Variants in NBAS observed in about 807,000 individuals in gnomAD.
The protein encoded by NBAS is NBAS subunit of NRZ tethering complex.
In NBAS, 219 loss-of-function variants were observed where a neutral mutation model predicts 302.5. The ratio of observed to expected loss-of-function variants is 0.72; its 90% CI spans 0.65 to 0.81. The LOEUF (loss-of-function observed/expected upper bound fraction) is 0.81. NBAS is among the 30% of genes least tolerant of loss of function. The pLI, the probability that NBAS is intolerant of heterozygous loss-of-function variation, is 0.00. For synonymous variants in NBAS, 1,118 were observed against 1,021.6 expected (o/e 1.09, Z -1.80); for missense variants, 2,932 against 2,841.6 (o/e 1.03, Z -0.72).
chr2:15,164,075 G>A (rs1029728631), downstream of NBAS, among the ~76,000 whole-genome samples: 1 of 152,222 alleles, frequency 6.6e-6, no homozygotes, highest in African/African-American at 2.4e-5. Flanking sequence ...GGGATTACAG[G>A]TGTGAGCCTC....
chr2:14,816,118 A>G, the NBAS span, among the ~76,000 whole-genome samples: 6,418 of 152,240 alleles, frequency 0.042, 165 homozygotes, highest in Middle Eastern at 0.058. Flanking sequence ...AAAATTTTCA[A>G]TGGCTCTCTA....
chr2:15,128,434 T>G, the NBAS span, among the ~76,000 whole-genome samples: 1 of 152,218 alleles, frequency 6.6e-6, no homozygotes, highest in African/African-American at 2.4e-5. Context: ...GGCCTCTTTC[T>G]TAAACACAGC....
intron 51 of NBAS, among the ~76,000 whole-genome samples, chr2:15,168,261 G>A (rs368907634): frequency 2.4e-4 from 37 of 152,230 alleles, no homozygotes; most frequent in African/African-American, 8.2e-4. Context: ...ATTAACTAAC[G>A]TTTAGACCAA....
the NBAS span, among the ~76,000 whole-genome samples, chr2:14,892,758 T>G: frequency 6.6e-6 from 1 of 152,196 alleles, no homozygotes; most frequent in Non-Finnish European, 1.5e-5. Flanking sequence ...CGTCTTTGTA[T>G]TTCTGGGATA....
intron 27 of NBAS, among the ~76,000 whole-genome samples, chr2:15,396,027 A>G (rs1183093688): frequency 1.3e-5 from 2 of 152,164 alleles, no homozygotes; most frequent in Non-Finnish European, 2.9e-5. Context: ...GTCTGCTGAT[A>G]AAGATGCAAT....
the NBAS span, among the ~76,000 whole-genome samples, chr2:15,141,928 AAAT>A: frequency 6.6e-6 from 1 of 152,208 alleles, no homozygotes; most frequent in African/African-American, 2.4e-5. Flanking sequence ...CTGGAAAGAG[AAAT>A]AATGAGCTCT....
At chr2:15,307,071 G>C (rs1353982792) in intron 40 of NBAS, among the ~76,000 whole-genome samples, 1 of 152,188 alleles carries the variant, frequency 6.6e-6, no homozygotes. Context: ...GTGATGACAG[G>C]ACCCCGAAGC....
intron 48 of NBAS, among the ~76,000 whole-genome samples, chr2:15,216,331 T>C (rs938976637): frequency 2.6e-5 from 4 of 152,136 alleles, no homozygotes; most frequent in African/African-American, 7.2e-5. Flanking sequence ...GGATATGAGA[T>C]GACTTGTATT....
intron 9 of NBAS, among the ~76,000 whole-genome samples, chr2:15,527,324 T>C (rs1012840866): frequency 3.9e-5 from 6 of 152,194 alleles, no homozygotes; most frequent in Admixed American, 3.9e-4. Flanking sequence ...GATAGTCTAA[T>C]TGGAGATATG....
intron 11 of NBAS, among the ~76,000 whole-genome samples, chr2:15,500,541 A>ACAC (rs1558392987): frequency 1.0e-4 from 13 of 126,002 alleles, no homozygotes; most frequent in South Asian, 7.6e-4. Context: ...CACACACACA[A>ACAC]AATTAGAAAT....
At position 15,548,512 on chromosome 2, in the gene NBAS, C is replaced by T. The variant is rs1270573598; in HGVS notation, c.379+2981G>A. Among the ~76,000 whole-genome samples, 4 of 151,934 alleles carry T rather than the reference C, an allele frequency of 2.6e-5. No homozygotes were observed. The East Asian group carries it at 5.8e-4, about 22-fold the overall frequency. On this transcript the variant is annotated intron_variant, in intron 6 of 51. Coordinates refer to ENST00000281513, the MANE Select transcript of NBAS (RefSeq NM_015909.4). ...CAAAAAAATGCCGGGTGTGATGGCACGCACCTGTAATCCCAGCTACTTCAG... is the reference window on the plus strand; with the variant it reads ...CAAAAAAATGCCGGGTGTGATGGCATGCACCTGTAATCCCAGCTACTTCAG...
At chr2:14,966,476 C>G in the NBAS span, among the ~76,000 whole-genome samples, 1 of 152,176 alleles carries the variant, frequency 6.6e-6, no homozygotes, top group Non-Finnish European at 1.5e-5. Context: ...CGTCAGTCCC[C>G]CAGTACAGCT....
chr2:15,453,504 C>T (rs1679113731), intron 21 of NBAS, among the ~76,000 whole-genome samples: 1 of 152,210 alleles, frequency 6.6e-6, no homozygotes, highest in Admixed American at 6.5e-5. Context: ...AAATTGTTCA[C>T]TCAGTCACTT....
At chr2:15,421,679 C>A (rs1162130681) in intron 23 of NBAS, among the ~76,000 whole-genome samples, 1 of 151,450 alleles carries the variant, frequency 6.6e-6, no homozygotes, top group Non-Finnish European at 1.5e-5. Flanking sequence ...AGAATACAAG[C>A]CAACTGAAGT....
chr2:15,427,896 T>G, intron 21 of NBAS, 102 bp from the exon 22 acceptor site: 1 of 842,080 alleles, frequency 1.2e-6, no homozygotes, highest in Non-Finnish European at 2.0e-6. Flanking sequence ...CATTAATATC[T>G]AAGATTCATG....
chr2:14,980,513 T>C, the NBAS span, among the ~76,000 whole-genome samples: 2 of 152,216 alleles, frequency 1.3e-5, no homozygotes, highest in African/African-American at 4.8e-5. Context: ...AGACTTCTAA[T>C]TTCTGCTGTG....
the NBAS span, among the ~76,000 whole-genome samples, chr2:15,131,765 T>C: frequency 6.6e-6 from 1 of 152,284 alleles, no homozygotes; most frequent in East Asian, 1.9e-4. Context: ...TTCTGCAGGA[T>C]GTACAAGCAT....
chr2:15,456,183 T>C (rs572185668), intron 21 of NBAS, among the ~76,000 whole-genome samples: 2 of 152,234 alleles, frequency 1.3e-5, no homozygotes, highest in Non-Finnish European at 2.9e-5. Context: ...ATACACATGA[T>C]GATTTAAGAC....
At chr2:15,306,754 T>G (rs1412395090) in intron 40 of NBAS, among the ~76,000 whole-genome samples, 3 of 150,230 alleles carry the variant, frequency 2.0e-5, no homozygotes, top group African/African-American at 5.0e-5. Flanking sequence ...CAGTTTTAAT[T>G]GTGGAAATCT....
Sources: allele counts gnomAD v4.1 joint callset (sites outside exome capture counted in the v4.1 genomes callset), GRCh38; gene constraint gnomAD v4.1.1; transcripts MANE v1.5; gene names NCBI Gene and HGNC (gene_info 2026-07-23, HGNC 2026-07-21).